The following MYT1L variants were observed in gnomAD, a reference collection of about 807,000 sequenced individuals.
MYT1L encodes the protein myelin transcription factor 1 like.
MYT1L carries 12 observed loss-of-function variants against 126.7 expected under a neutral mutation model. The ratio of observed to expected loss-of-function variants is 0.09; its 90% CI spans 0.06 to 0.15. The LOEUF is 0.15. MYT1L is among the 10% of genes least tolerant of loss of function. The probability of loss-of-function intolerance (pLI) is 1.00; values close to 1 mark genes in which losing one functional copy is unlikely to be tolerated. For missense variants in MYT1L, 979 were observed against 1,585.2 expected (o/e 0.62, Z 6.49); for synonymous variants, 541 against 604.2 (o/e 0.90, Z 1.53).
chr2:2,121,647 C>T (rs1420802705), intron 3 of MYT1L, among the ~76,000 whole-genome samples: 1 of 151,888 alleles, frequency 6.6e-6, no homozygotes, highest in Non-Finnish European at 1.5e-5. Context: ...CCACCATACC[C>T]AGCTAATTTT....
chr2:2,261,493 C>G (rs1299831570), intron 2 of MYT1L, among the ~76,000 whole-genome samples: 1 of 152,200 alleles, frequency 6.6e-6, no homozygotes, highest in Non-Finnish European at 1.5e-5. Flanking sequence ...GTCCTCCCCC[C>G]TGTTAGGTAG....
intron 3 of MYT1L, among the ~76,000 whole-genome samples, chr2:2,122,674 A>G (rs1211545917): frequency 1.3e-5 from 2 of 152,118 alleles, no homozygotes; most frequent in Non-Finnish European, 2.9e-5. Flanking sequence ...AAATTTACCA[A>G]TGTGTAAGAG....
At chr2:2,213,933 C>T (rs1252048059) in intron 2 of MYT1L, among the ~76,000 whole-genome samples, 1 of 151,942 alleles carries the variant, frequency 6.6e-6, no homozygotes, top group African/African-American at 2.4e-5. Flanking sequence ...AAGGACAATA[C>T]AAATAATTAT....
At chr2:1,865,446 G>T (rs1404356052) in intron 18 of MYT1L, among the ~76,000 whole-genome samples, 1 of 152,172 alleles carries the variant, frequency 6.6e-6, no homozygotes, top group African/African-American at 2.4e-5. Flanking sequence ...CGTGTGTTCA[G>T]AACAAGTCCC....
chr2:2,218,861 G>T (rs766578642), intron 2 of MYT1L, among the ~76,000 whole-genome samples: 12 of 152,194 alleles, frequency 7.9e-5, no homozygotes, highest in Non-Finnish European at 1.8e-4. Context: ...TGAGGGCAGA[G>T]ACTGGGCATG....
At chr2:2,187,032 T>A (rs757174781) in intron 2 of MYT1L, among the ~76,000 whole-genome samples, 4 of 152,194 alleles carry the variant, frequency 2.6e-5, no homozygotes, top group Admixed American at 6.5e-5. Context: ...TTGGCCTTAA[T>A]GAACTTAAAC....
At chr2:2,077,141 G>C (rs2075315149) in intron 3 of MYT1L, among the ~76,000 whole-genome samples, 1 of 152,058 alleles carries the variant, frequency 6.6e-6, no homozygotes, top group Non-Finnish European at 1.5e-5. Flanking sequence ...TTAATAGAGA[G>C]TATTTAGTCT....
chr2:2,279,242 A>G (rs558677142), intron 2 of MYT1L, among the ~76,000 whole-genome samples: 1 of 152,336 alleles, frequency 6.6e-6, no homozygotes. Context: ...ATGGTTTAAG[A>G]TTGTATAGAG....
chr2:1,960,005 G>A (rs1354922584), intron 8 of MYT1L, among the ~76,000 whole-genome samples: 1 of 152,084 alleles, frequency 6.6e-6, no homozygotes, highest in Non-Finnish European at 1.5e-5. Context: ...TATTTCATAG[G>A]TAGTAACATT....
chr2:2,060,759 C>T (rs1407604101), intron 3 of MYT1L, among the ~76,000 whole-genome samples: 1 of 135,428 alleles, frequency 7.4e-6, no homozygotes, highest in Non-Finnish European at 1.6e-5. Context: ...TTGCCCACTT[C>T]CTCTCTCCCT....
chr2:1,792,158 C>T (rs2032213766), intron 24 of MYT1L, among the ~76,000 whole-genome samples, 151 bp from the exon 25 acceptor site: 1 of 152,154 alleles, frequency 6.6e-6, no homozygotes, highest in South Asian at 2.1e-4. Flanking sequence ...TGGGGTCAGC[C>T]CCGCCCATGT....
At chr2:2,106,890 A>G (rs1239219123) in intron 3 of MYT1L, among the ~76,000 whole-genome samples, 1 of 152,180 alleles carries the variant, frequency 6.6e-6, no homozygotes, top group Non-Finnish European at 1.5e-5. Flanking sequence ...GCTGTCTACT[A>G]ATGTCTGGAG....
chr2:1,992,197 A>G (rs932394662), intron 5 of MYT1L, among the ~76,000 whole-genome samples: 2 of 152,200 alleles, frequency 1.3e-5, no homozygotes, highest in African/African-American at 2.4e-5. Flanking sequence ...GTGGGGCCTC[A>G]TGACAACCCA....
At chr2:1,795,907 C>T (rs1321065953) in intron 23 of MYT1L, among the ~76,000 whole-genome samples, 1 of 152,202 alleles carries the variant, frequency 6.6e-6, no homozygotes, top group African/African-American at 2.4e-5. Context: ...TCTTTCCAGA[C>T]CTCAGCGTTT....
At chr2:2,269,544 A>G (rs1481320486) in intron 2 of MYT1L, among the ~76,000 whole-genome samples, 1 of 152,066 alleles carries the variant, frequency 6.6e-6, no homozygotes, top group African/African-American at 2.4e-5. Context: ...CTCCCATCCT[A>G]CTTCTGCCTT....
chr2:2,215,533 G>A (rs2093651933), intron 2 of MYT1L, among the ~76,000 whole-genome samples: 1 of 152,082 alleles, frequency 6.6e-6, no homozygotes, highest in African/African-American at 2.4e-5. Context: ...AGGACATGAA[G>A]CAAAAACTGA....
Position 1,919,740 on chromosome 2 carries a change from A to T in MYT1L, c.1484-2401T>A, listed in dbSNP as rs1288026460. Among the ~76,000 whole-genome samples, 400 of 152,130 alleles carry T rather than the reference A, an allele frequency of 2.6e-3. 3 individuals carry two copies. The highest frequency in any genetic ancestry group is 4.8e-3 in the Non-Finnish European group (324 of 68,002). On this transcript the variant is annotated intron_variant, in intron 10 of 24. Coordinates refer to ENST00000647738, the MANE Select transcript of MYT1L (RefSeq NM_001303052.2). ...ATTTAATTTAATTTAATATTATTTT[A>T]TTTTTTGAGACGGAGTCTCGCTCTG... is the stretch of plus-strand genomic sequence containing the variant.
At chr2:2,107,242 T>C (rs551663398) in intron 3 of MYT1L, among the ~76,000 whole-genome samples, 1 of 152,328 alleles carries the variant, frequency 6.6e-6, no homozygotes, top group South Asian at 2.1e-4. Flanking sequence ...GCCGGTGACG[T>C]CGAGCACAAT....
chr2:1,965,991 C>T (rs780817205), intron 8 of MYT1L, among the ~76,000 whole-genome samples: 4 of 152,284 alleles, frequency 2.6e-5, no homozygotes, highest in Non-Finnish European at 5.9e-5. Flanking sequence ...CTAGGGCCTG[C>T]ACTGCGGCTC....
Sources: allele counts gnomAD v4.1 joint callset (sites outside exome capture counted in the v4.1 genomes callset), GRCh38; gene constraint gnomAD v4.1.1; transcripts MANE v1.5; gene names NCBI Gene and HGNC (gene_info 2026-07-23, HGNC 2026-07-21).